Variants in MTUS1 observed in about 807,000 individuals in gnomAD.
MTUS1 encodes microtubule-associated tumor suppressor 1.
In MTUS1, 109 loss-of-function variants were observed where a neutral mutation model predicts 120.8. That is an observed-to-expected ratio of 0.90 (90% confidence interval 0.77 to 1.06). The LOEUF (loss-of-function observed/expected upper bound fraction) is 1.06, where lower values mean the gene tolerates loss of function less well. MTUS1 is among the 50% of genes least tolerant of loss of function. MTUS1 has a pLI of 0.00. For synonymous variants in MTUS1, 737 were observed against 550.5 expected (o/e 1.34, Z -4.74); for missense variants, 2,210 against 1,486.3 (o/e 1.49, Z -8.01).
intron 5 of MTUS1, among the ~76,000 whole-genome samples, chr8:17,714,390 C>A (rs1821912490): frequency 6.6e-6 from 1 of 152,092 alleles, no homozygotes; most frequent in Admixed American, 6.5e-5. Context: ...GAGAAAGTTA[C>A]TAATAGATAT....
chr8:17,779,309 A>T (rs2050693749), intron 1 of MTUS1, among the ~76,000 whole-genome samples: 1 of 152,216 alleles, frequency 6.6e-6, no homozygotes, highest in Non-Finnish European at 1.5e-5. Flanking sequence ...AACAGCCTAA[A>T]GACAGTGACC....
chr8:17,652,060 T>C (rs1182208869), intron 12 of MTUS1, among the ~76,000 whole-genome samples: 1 of 152,202 alleles, frequency 6.6e-6, no homozygotes, highest in African/African-American at 2.4e-5. Context: ...ACACATGTAC[T>C]TTCTAGAGCT....
chr8:17,671,425 C>G (rs1324384648), intron 8 of MTUS1, among the ~76,000 whole-genome samples: 2 of 152,126 alleles, frequency 1.3e-5, no homozygotes, highest in East Asian at 3.9e-4. Context: ...CAAGAAAACA[C>G]GAGACAGTAA....
At chr8:17,697,598 A>C (rs1818241733) in intron 6 of MTUS1, 2 of 1,318,038 alleles carry the variant, frequency 1.5e-6, no homozygotes, top group African/African-American at 1.5e-5. Context: ...ATGTTGCCAA[A>C]ATGATGCTCT....
At position 17,742,284 on chromosome 8, in the gene MTUS1, TGTTGTTG is replaced by T. The variant is rs1372112631; in HGVS notation, c.2287+1313_2287+1319del. Among the ~76,000 whole-genome samples, 680 of 82,188 alleles carry T rather than the reference TGTTGTTG, an allele frequency of 8.3e-3. 31 individuals carry two copies. Among genetic ancestry groups the T allele is most frequent in the African/African-American group, 0.03 (483 of 16,352 alleles). The allele number at this position is 82,188 out of a possible 152,430, so 53.9% of individuals were successfully genotyped here. A position where few individuals can be genotyped will look rare whatever the true frequency, so the allele number is the denominator to read the frequency against. On this transcript the variant is annotated intron_variant, in intron 3 of 14. Coordinates refer to ENST00000693296, the MANE Select transcript of MTUS1 (RefSeq NM_001363059.2). Reference sequence around the variant, plus strand: ...ATGCCCAGCTGTTTTTTTTTTTTGTTGTTGTTGTTTTTTTTTTTTTTTTTTTTAGAGA... The same window carrying T: ...ATGCCCAGCTGTTTTTTTTTTTTGTTTTTTTTTTTTTTTTTTTTTTAGAGA...
In MTUS1 at chr8:17,764,494, C is replaced by T. The variant is rs74945938; in HGVS notation, c.-154-8533G>A. Among the ~76,000 whole-genome samples the T allele has an allele frequency of 8.1e-3, 1,238 of 152,148 alleles. 37 individuals are homozygous for T. The East Asian group carries it at 0.085, about 10-fold the overall frequency. ...TTTATAATAATGCATCCCCTACACA[C>T]TGAACAATTTCCCTGTTCCTGTTTC... On this transcript the variant is annotated intron_variant, in intron 1 of 14. Transcript: ENST00000693296.
At chr8:17,712,209 G>T (rs553436402) in intron 6 of MTUS1, among the ~76,000 whole-genome samples, 2 of 152,142 alleles carry the variant, frequency 1.3e-5, no homozygotes, top group African/African-American at 4.8e-5. Flanking sequence ...TTGTACCTTC[G>T]TTTCTTCTGA....
intron 5 of MTUS1, 149 bp downstream of exon 5, chr8:17,715,618 A>C (rs1822167008): frequency 2.4e-6 from 2 of 827,686 alleles, no homozygotes; most frequent in South Asian, 2.1e-5. Flanking sequence ...CAATTTCCTC[A>C]GTGCAAAAAT....
chr8:17,743,079 T>C (rs1338442023), intron 3 of MTUS1, among the ~76,000 whole-genome samples: 2 of 152,152 alleles, frequency 1.3e-5, no homozygotes, highest in Non-Finnish European at 2.9e-5. Flanking sequence ...TCACATTTCA[T>C]TGGCCTAACA....
intron 3 of MTUS1, among the ~76,000 whole-genome samples, chr8:17,736,887 T>A (rs1352895938): frequency 6.6e-6 from 1 of 152,114 alleles, no homozygotes; most frequent in African/African-American, 2.4e-5. Flanking sequence ...GTTTGGCTCT[T>A]TCTCTTTTAT....
At chr8:17,763,588 C>G (rs1001056658) in intron 1 of MTUS1, among the ~76,000 whole-genome samples, 1 of 151,922 alleles carries the variant, frequency 6.6e-6, no homozygotes, top group African/African-American at 2.4e-5. Context: ...CTTTTTTTCT[C>G]TTGGGAATGA....
chr8:17,653,160 C>G (rs1232443937), intron 12 of MTUS1, 26 bp downstream of exon 12: 1 of 1,344,140 alleles, frequency 7.4e-7, no homozygotes, highest in South Asian at 1.4e-5. Flanking sequence ...AAATTCCATA[C>G]TGATAAAGGA....
chr8:17,801,208 C>A (rs1373274140), upstream of MTUS1: 1 of 151,816 alleles, frequency 6.6e-6, no homozygotes, highest in Non-Finnish European at 1.5e-5. Context: ...CGGCACCACC[C>A]CACGCCTGCG....
rs1232343714 is a variant in MTUS1 at position 17,644,154 on chromosome 8, G to C, written c.*1772C>G. Reference sequence around the variant, plus strand: ...CATTGAGAACAACTTGGAAGCGTGAGCAGAGATATCTCATGAAGTGGCAGT... The same window carrying C: ...CATTGAGAACAACTTGGAAGCGTGACCAGAGATATCTCATGAAGTGGCAGT... On this transcript the variant is annotated 3_prime_UTR_variant, in exon 15 of 15. Coordinates refer to ENST00000693296, the MANE Select transcript of MTUS1 (RefSeq NM_001363059.2). 1 of 152,214 alleles carries C rather than the reference G, an allele frequency of 6.6e-6. No individual in the cohort carries two copies. Among genetic ancestry groups the C allele is most frequent in the African/African-American group, 2.4e-5 (1 of 41,444 alleles). 9.4% of individuals were successfully genotyped at this position (152,214 alleles called of 1,614,324 possible).
intron 6 of MTUS1, among the ~76,000 whole-genome samples, chr8:17,684,821 C>T (rs144381416): frequency 6.6e-6 from 1 of 152,230 alleles, no homozygotes; most frequent in Admixed American, 6.5e-5. Flanking sequence ...AACACAAAAA[C>T]TGGGTGCAAA....
Position 17,684,548 on chromosome 8 carries a change from A to G in MTUS1, c.2624-6T>C. 1 of 1,610,606 alleles carries G rather than the reference A, an allele frequency of 6.2e-7. No individual in the cohort carries two copies. Among genetic ancestry groups the G allele is most frequent in the Non-Finnish European group, 8.5e-7 (1 of 1,177,996 alleles). On this transcript the variant is annotated splice_region_variant and splice_polypyrimidine_tract_variant and intron_variant, in intron 6 of 14. Transcript: ENST00000693296. ...CTTTTGCCTGCTCTTTTCAACTGCA[A>G]AACGAATTAACATAGGTACAAAGAT...
intron 12 of MTUS1, chr8:17,651,580 T>TA (rs1807012006): frequency 6.6e-6 from 1 of 152,008 alleles, no homozygotes; most frequent in African/African-American, 2.4e-5. Context: ...TCATTTTTGT[T>TA]AGAGGGAAAT....
intron 6 of MTUS1, among the ~76,000 whole-genome samples, chr8:17,692,778 G>C (rs1376529317): frequency 6.6e-6 from 1 of 152,092 alleles, no homozygotes; most frequent in African/African-American, 2.4e-5. Flanking sequence ...TATTGTACAA[G>C]AATCTGTACA....
Position 17,723,758 on chromosome 8 carries a change from G to A in MTUS1, c.2363C>T (p.Ser788Phe), listed in dbSNP as rs373133775. 1 of 1,610,524 alleles carries A rather than the reference G, an allele frequency of 6.2e-7. No homozygotes were observed. Among genetic ancestry groups the A allele is most frequent in the Non-Finnish European group, 8.5e-7 (1 of 1,177,610 alleles). ...LPRPLPKSKA[S>F]LKSPALRRTG... ...CCTCCGCAGCGCAGGACTTTTCAAA[G>A]ATGCTTTGGATTTAGGAAGTGGTCT... The change falls in exon 4 of 15, where the codon TCT becomes TTT. Residue 788 changes from serine (S) to phenylalanine (F), a missense_variant. Ser to Phe is a radical substitution (Grantham distance 155, BLOSUM62 -2). Coordinates refer to ENST00000693296, the MANE Select transcript of MTUS1 (RefSeq NM_001363059.2).
Sources: gnomAD v4.1 joint callset for allele counts (sites outside exome capture counted in the v4.1 genomes callset) on GRCh38, gnomAD v4.1.1 for gene constraint, MANE v1.5 for transcripts, NCBI Gene and HGNC (gene_info 2026-07-23, HGNC 2026-07-21) for gene names.